SALL3: variants seen among roughly 807,000 people sequenced by gnomAD.
The protein encoded by SALL3 is sal-like protein 3.
SALL3 carries 25 observed loss-of-function variants against 66.2 expected under a neutral mutation model. The ratio of observed to expected loss-of-function variants is 0.38; its 90% CI spans 0.28 to 0.53. SALL3 has a LOEUF of 0.53. Ranked by LOEUF, SALL3 falls within the 20% of genes least tolerant of loss-of-function variation. The probability of loss-of-function intolerance (pLI) is 0.85; values close to 1 mark genes in which losing one functional copy is unlikely to be tolerated. For missense variants in SALL3, 2,194 were observed against 1,916.5 expected (o/e 1.14, Z -2.70); for synonymous variants, 1,152 against 899.1 (o/e 1.28, Z -5.03).
rs759694927 is a variant in SALL3, at chr18:78,993,651, C to A, written c.1660C>A (p.Gln554Lys). The A allele has an allele frequency of 6.3e-7, 1 of 1,589,214 alleles. No homozygotes were observed. The highest frequency in any genetic ancestry group is 8.5e-7 in the Non-Finnish European group (1 of 1,175,078). The change falls in exon 2 of 3, where the codon CAG becomes AAG. Residue 554 changes from glutamine (Q) to lysine (K), a missense_variant. Coordinates refer to ENST00000537592, the MANE Select transcript of SALL3 (RefSeq NM_171999.4). ...CGCCACCCCAGCCAGCCGCTCCCCG[C>A]AGAGGCCCTCGCCCGCCTCCAGCGA... ...PSATPASRSP[Q>K]RPSPASSECA...
intron 1 of SALL3, among the ~76,000 whole-genome samples, chr18:78,981,821 T>G (rs1914084569): frequency 6.6e-6 from 1 of 152,228 alleles, no homozygotes; most frequent in Non-Finnish European, 1.5e-5. Flanking sequence ...CTTGGTTTGT[T>G]TTGTATCGCC....
In SALL3 at chr18:78,994,065, A is replaced by G; in HGVS notation, c.2074A>G (p.Ser692Gly). 6.2e-7 allele frequency: 1 copy of G among 1,613,022 alleles called. No individual in the cohort carries two copies. The highest frequency in any genetic ancestry group is 8.5e-7 in the Non-Finnish European group (1 of 1,179,962). ...CTGCCACCGGGTGCTGAGCTGCCAG[A>G]GCGCGCTGAAGATGCACTACCGGAC... ...VICHRVLSCQ[S>G]ALKMHYRTHT... is the part of the protein sequence containing the mutation. Residue 692 changes from serine (S) to glycine (G), a missense_variant, in exon 2 of 3, where the codon AGC becomes GGC. Coordinates refer to ENST00000537592, the MANE Select transcript of SALL3 (RefSeq NM_171999.4).
chr18:78,980,160 AGCC>A lies in SALL3; in HGVS notation c.-105_-103del. On this transcript the variant is annotated 5_prime_UTR_variant, in exon 1 of 3. Transcript: ENST00000537592. ...GCTCAGCCCCATGCGCGGCCCGCGC[AGCC>A]GCCGCCGCCCCGCGCCCCGCGCCGC... 5.1e-6 allele frequency: 1 copy of A among 196,828 alleles called. No homozygotes were observed. The highest frequency in any genetic ancestry group is 8.8e-6 in the Non-Finnish European group (1 of 113,042). 12.2% of individuals were successfully genotyped at this position (196,828 alleles called of 1,614,324 possible).
chr18:78,994,413 G>C lies in SALL3; in HGVS notation c.2422G>C (p.Asp808His), dbSNP rs769424057. 3 of 1,612,908 alleles carry C rather than the reference G, an allele frequency of 1.9e-6. No individual in the cohort carries two copies. The highest frequency in any genetic ancestry group is 2.5e-6 in the Non-Finnish European group (3 of 1,179,972). Residue 808 changes from aspartate (D) to histidine (H), a missense_variant, in exon 2 of 3, where the codon GAC (aspartate) becomes CAC (histidine). Coordinates refer to ENST00000537592, the MANE Select transcript of SALL3 (RefSeq NM_171999.4). ...CATGGACGAGAACTCCATGGAGGAC[G>C]ACGCTGAGCTGAAGGACGCGGCCAC... ...DDMDENSMED[D>H]AELKDAATDP...
In SALL3 at chr18:78,992,579, C is replaced by G; in HGVS notation, c.588C>G (p.Gly196=). The G allele has an allele frequency of 6.6e-7, 1 of 1,505,684 alleles. No individual in the cohort carries two copies. Among genetic ancestry groups the G allele is most frequent in the Non-Finnish European group, 8.8e-7 (1 of 1,134,924 alleles). The allele number at this position is 1,505,684 out of a possible 1,614,324, so 93.3% of individuals were successfully genotyped here. ...CAGGCGGCTCGGGAGCAGGTGGAGGCGTGGCAGCTGCAGCCGTGCCCCTGA... is the reference window on the plus strand; with the variant it reads ...CAGGCGGCTCGGGAGCAGGTGGAGGGGTGGCAGCTGCAGCCGTGCCCCTGA... ...RAAGGSGAGG[G]VAAAAVPLIL... The change falls in exon 2 of 3, where the codon GGC becomes GGG. Residue 196 remains glycine, a synonymous_variant. Coordinates refer to ENST00000537592, the MANE Select transcript of SALL3 (RefSeq NM_171999.4).
At chr18:78,980,538 G>A (rs1914003453) in intron 1 of SALL3, among the ~76,000 whole-genome samples, 182 bp downstream of exon 1, 1 of 151,636 alleles carries the variant, frequency 6.6e-6, no homozygotes, top group African/African-American at 2.4e-5. Context: ...GCCGGAGCGC[G>A]CGCGGCCGCC....
In SALL3 at chr18:78,993,440, G is replaced by A. The variant is rs1408519987; in HGVS notation, c.1449G>A (p.Pro483=). ...CCCACATCCAGATGAACCCTTACCCGGTCCCCGAGTACCTGGACAACGTGC... is the reference window on the plus strand; with the variant it reads ...CCCACATCCAGATGAACCCTTACCCAGTCCCCGAGTACCTGGACAACGTGC... ...KYPHIQMNPY[P]VPEYLDNVPT... Residue 483 remains proline (P), a synonymous_variant, in exon 2 of 3, where the codon CCG becomes CCA. Transcript: ENST00000537592. 3.1e-6 allele frequency: 5 copies of A among 1,612,850 alleles called. No individual in the cohort carries two copies. Among genetic ancestry groups the A allele is most frequent in the South Asian group, 2.2e-5 (2 of 91,058 alleles).
At position 78,993,055 on chromosome 18, in the gene SALL3, C is replaced by T. The variant is rs760233856; in HGVS notation, c.1064C>T (p.Ala355Val). The T allele has an allele frequency of 6.3e-6, 10 of 1,585,510 alleles. No individual in the cohort carries two copies. The South Asian group carries it at 7.9e-5, about 13-fold the overall frequency. Residue 355 changes from alanine (A) to valine (V), a missense_variant, in exon 2 of 3, where the codon GCG becomes GTG. By Grantham distance (64) the Ala-to-Val change is moderately conservative. Coordinates refer to ENST00000537592, the MANE Select transcript of SALL3 (RefSeq NM_171999.4). Reference protein sequence around the residue: ...ALAPGSLLGAAPGLPSPLLPQ... With the variant: ...ALAPGSLLGAVPGLPSPLLPQ... Reference sequence around the variant, plus strand: ...GCCCCGGGGTCCCTGCTGGGTGCGGCGCCCGGCCTGCCAAGTCCGCTTCTA... The same window carrying T: ...GCCCCGGGGTCCCTGCTGGGTGCGGTGCCCGGCCTGCCAAGTCCGCTTCTA...
At position 78,995,015 on chromosome 18, in the gene SALL3, G is replaced by A. The variant is rs765765779; in HGVS notation, c.3024G>A (p.Ala1008=). 46 of 1,613,746 alleles carry A rather than the reference G, an allele frequency of 2.9e-5. No individual in the cohort carries two copies. The highest frequency in any genetic ancestry group is 3.8e-5 in the Non-Finnish European group (45 of 1,180,034). The change falls in exon 2 of 3, where the codon GCG becomes GCA. Residue 1008 remains alanine, a synonymous_variant. Transcript: ENST00000537592. ...CTAAGGAGCGGCCATTCGTCTGCGC[G>A]CTCTGCAGGCGAGGGTGCTCCACTA... ...SHTKERPFVC[A]LCRRGCSTMG... is the part of the protein sequence containing the mutation.
At chr18:78,989,415 A>G (rs2146212007) in intron 1 of SALL3, among the ~76,000 whole-genome samples, 1 of 152,324 alleles carries the variant, frequency 6.6e-6, no homozygotes, top group East Asian at 1.9e-4. Flanking sequence ...TTTATCACAC[A>G]CTATGGTTTG....
intron 2 of SALL3, among the ~76,000 whole-genome samples, chr18:78,996,421 G>A (rs1217914961): frequency 1.3e-5 from 2 of 152,232 alleles, no homozygotes; most frequent in Non-Finnish European, 2.9e-5. Context: ...CTGCTGGCAG[G>A]TGGCCCTGGG....
At position 78,992,788 on chromosome 18, in the gene SALL3, T is replaced by G. The variant is rs1288272436; in HGVS notation, c.797T>G (p.Leu266Arg). 1.0e-6 allele frequency: 1 copy of G among 989,236 alleles called. No homozygotes were observed. Among genetic ancestry groups the G allele is most frequent in the African/African-American group, 1.8e-5 (1 of 56,504 alleles). The allele number at this position is 989,236 out of a possible 1,614,324, so 61.3% of individuals were successfully genotyped here. A position where few individuals can be genotyped will look rare whatever the true frequency, so the allele number is the denominator to read the frequency against. The change falls in exon 2 of 3, where the codon CTG (leucine) becomes CGG (arginine). Residue 266 changes from leucine (L) to arginine (R), a missense_variant. Transcript: ENST00000537592. ...CTGCCCGGGCTGGCCGCGCTCCCGC[T>G]GTCGGCCGGGGCCCCTGCCGCCGCC... The part of the protein sequence containing the change: ...SQLPGLAALP[L>R]SAGAPAAAIA...
rs1332646635 is a variant in SALL3 at position 78,980,063 on chromosome 18, C to A, written c.-212C>A. Among the ~76,000 whole-genome samples, 2 of 145,888 alleles carry A rather than the reference C, an allele frequency of 1.4e-5. No individual in the cohort carries two copies. The highest frequency in any genetic ancestry group is 2.0e-4 in the East Asian group (1 of 4,956). On this transcript the variant is annotated 5_prime_UTR_variant, in exon 1 of 3. Transcript: ENST00000537592. The stretch of plus-strand genomic sequence containing the variant: ...GCGCGGCCTCATTTGCATAGGCCGC[C>A]GGAGTCCGCTGGAGCCCGGCCAATC...
Position 78,995,236 on chromosome 18 carries a change from C to T in SALL3, c.3245C>T (p.Ala1082Val), listed in dbSNP as rs1408075396. ...CTGGGCGAGGGTCCCCCGCTGCCCG[C>T]GGGCGTCCAGGTCCCCGCCGGGCCT... ...MALGEGPPLP[A>V]GVQVPAGPQT... The change falls in exon 2 of 3, where the codon GCG (alanine) becomes GTG (valine). Residue 1082 changes from alanine (A) to valine (V), a missense_variant. Coordinates refer to ENST00000537592, the MANE Select transcript of SALL3 (RefSeq NM_171999.4). 1.2e-5 allele frequency: 19 copies of T among 1,603,492 alleles called. No individual in the cohort carries two copies. Among genetic ancestry groups the T allele is most frequent in the South Asian group, 3.3e-5 (3 of 90,956 alleles).
At chr18:78,992,046 C>G in intron 1 of SALL3, 28 bp from the exon 2 acceptor site, 1 of 1,399,444 alleles carries the variant, frequency 7.1e-7, no homozygotes, top group South Asian at 1.6e-5. Flanking sequence ...CGCCGAGCCC[C>G]GGCTGACTCA....
At position 78,994,250 on chromosome 18, in the gene SALL3, C is replaced by T. The variant is rs753735945; in HGVS notation, c.2259C>T (p.Val753=). Residue 753 remains valine (V), a synonymous_variant, in exon 2 of 3, where the codon GTC becomes GTT. Transcript: ENST00000537592. Reference sequence around the variant, plus strand: ...AGAAGAAGTTCACCAACGCCGTGGTCCTGCAGCAGCACATCCGCATGCACA... The same window carrying T: ...AGAAGAAGTTCACCAACGCCGTGGTTCTGCAGCAGCACATCCGCATGCACA... ...ICQKKFTNAV[V]LQQHIRMHMG... The T allele has an allele frequency of 6.8e-6, 11 of 1,613,672 alleles. No homozygotes were observed. The South Asian group carries it at 1.1e-4, about 16-fold the overall frequency.
intron 1 of SALL3, among the ~76,000 whole-genome samples, chr18:78,989,563 C>T (rs755127249): frequency 6.6e-6 from 1 of 152,126 alleles, no homozygotes; most frequent in Non-Finnish European, 1.5e-5. Context: ...AATGAACTGT[C>T]CCTAATACAC....
intron 1 of SALL3, among the ~76,000 whole-genome samples, chr18:78,989,896 C>T (rs1466159822): frequency 1.3e-5 from 2 of 152,166 alleles, no homozygotes; most frequent in African/African-American, 2.4e-5. Context: ...TAAGTGGCTA[C>T]TTAGATTTTT....
intron 2 of SALL3, among the ~76,000 whole-genome samples, chr18:78,995,702 C>CAT (rs5826619): frequency 5.9e-5 from 9 of 151,740 alleles, no homozygotes; most frequent in Non-Finnish European, 1.0e-4. Context: ...GTGTATGGGT[C>CAT]GTGTGTGTGT....
Sources: allele counts gnomAD v4.1 joint callset (sites outside exome capture counted in the v4.1 genomes callset), GRCh38; gene constraint gnomAD v4.1.1; transcripts MANE v1.5; gene names NCBI Gene and HGNC (gene_info 2026-07-23, HGNC 2026-07-21).